NR2C2: variants seen among roughly 807,000 people sequenced by gnomAD.
NR2C2 encodes the protein nuclear receptor subfamily 2 group C member 2.
A neutral mutation model predicts 62.9 loss-of-function variants in NR2C2; 6 were observed. The observed-to-expected ratio is 0.10, with a 90% CI of 0.05 to 0.19. The LOEUF is 0.19. Among genes scored for constraint, NR2C2 ranks in the 10% least tolerant of loss-of-function variants. The pLI is 1.00. For missense variants in NR2C2, 479 were observed against 762.7 expected (o/e 0.63, Z 4.38); for synonymous variants, 272 against 273.8 (o/e 0.99, Z 0.07).
chr3:15,029,449 A>G (rs1025791846), intron 8 of NR2C2, among the ~76,000 whole-genome samples: 1 of 152,218 alleles, frequency 6.6e-6, no homozygotes, highest in Non-Finnish European at 1.5e-5. Flanking sequence ...GCTGGAGACT[A>G]TACAAGTGTT....
At chr3:14,989,659 T>C (rs1574968971) in intron 1 of NR2C2, among the ~76,000 whole-genome samples, 2 of 151,824 alleles carry the variant, frequency 1.3e-5, no homozygotes, top group Non-Finnish European at 2.9e-5. Context: ...TGACTGGGTG[T>C]GGTGGCTCAC....
At chr3:14,969,632 A>G (rs747065137) in intron 1 of NR2C2, among the ~76,000 whole-genome samples, 2 of 152,230 alleles carry the variant, frequency 1.3e-5, no homozygotes, top group Non-Finnish European at 2.9e-5. Context: ...TGATTGGCAG[A>G]AAGAAATCAC....
intron 6 of NR2C2, 102 bp downstream of exon 6, chr3:15,023,449 T>C: frequency 7.5e-7 from 1 of 1,335,830 alleles, no homozygotes; most frequent in African/African-American, 1.4e-5. Context: ...CCATCTGCCA[T>C]AGCCTCCAGC....
chr3:14,968,564 G>A (rs2039933379), intron 1 of NR2C2, among the ~76,000 whole-genome samples: 1 of 150,330 alleles, frequency 6.7e-6, no homozygotes, highest in Non-Finnish European at 1.5e-5. Flanking sequence ...AACCATTGTG[G>A]AAGACAGTGT....
intron 1 of NR2C2, among the ~76,000 whole-genome samples, chr3:14,962,810 G>A (rs1457285045): frequency 6.6e-6 from 1 of 151,990 alleles, no homozygotes; most frequent in African/African-American, 2.4e-5. Flanking sequence ...TTTCTCGTAC[G>A]CTTGATTCTT....
chr3:15,033,979 C>G (rs1393800870), intron 10 of NR2C2, among the ~76,000 whole-genome samples: 2 of 152,182 alleles, frequency 1.3e-5, no homozygotes, highest in African/African-American at 2.4e-5. Flanking sequence ...CTTCCTGTGG[C>G]TGGGCCACAC....
intron 13 of NR2C2, among the ~76,000 whole-genome samples, chr3:15,040,564 C>T (rs985219752): frequency 6.6e-6 from 1 of 152,220 alleles, no homozygotes; most frequent in African/African-American, 2.4e-5. Context: ...GGGTAACCAG[C>T]TCTTAGTCTT....
intron 2 of NR2C2, among the ~76,000 whole-genome samples, chr3:15,010,331 G>A (rs567784045): frequency 1.1e-4 from 17 of 151,220 alleles, no homozygotes; most frequent in Admixed American, 1.1e-3. Flanking sequence ...TGGAGGATAC[G>A]GATGTCTTAG....
rs1423571390 is a variant in NR2C2 at position 15,047,373 on chromosome 3, T to G, written c.*4365T>G. ...TGACATTTCCGTATATTCTCTAGGT[T>G]CGGACAAGAGCCAGGAAGCTGGAAG... is the stretch of plus-strand genomic sequence containing the variant. On this transcript the variant is annotated 3_prime_UTR_variant, in exon 14 of 14. Transcript: ENST00000425241. 2.0e-5 allele frequency: 3 copies of G among 152,220 alleles called. No homozygotes were observed. Among genetic ancestry groups the G allele is most frequent in the Non-Finnish European group, 4.4e-5 (3 of 68,044 alleles). 9.4% of individuals were successfully genotyped at this position (152,220 alleles called of 1,614,324 possible).
chr3:15,028,746 C>A, intron 8 of NR2C2, 27 bp downstream of exon 8: 1 of 1,605,718 alleles, frequency 6.2e-7, no homozygotes, highest in South Asian at 1.1e-5. Flanking sequence ...ATGGAGTCTC[C>A]CCTCCTCGCC....
At chr3:14,998,129 C>G (rs1412480320) in intron 1 of NR2C2, among the ~76,000 whole-genome samples, 5 of 152,322 alleles carry the variant, frequency 3.3e-5, no homozygotes, top group Non-Finnish European at 7.4e-5. Context: ...AATAATACTC[C>G]ATTACATGGA....
intron 3 of NR2C2, among the ~76,000 whole-genome samples, chr3:15,015,685 T>C (rs1183932862): frequency 6.6e-6 from 1 of 152,224 alleles, no homozygotes. Flanking sequence ...GGCAGAGCCA[T>C]TCTGGGTGTC....
chr3:14,987,314 C>T (rs937791314), intron 1 of NR2C2, among the ~76,000 whole-genome samples: 3 of 152,170 alleles, frequency 2.0e-5, no homozygotes, highest in African/African-American at 2.4e-5. Context: ...AACTCCGGGG[C>T]GTAAGCAATC....
intron 1 of NR2C2, chr3:14,959,319 T>G (rs1172587786): frequency 6.6e-6 from 1 of 152,226 alleles, no homozygotes; most frequent in African/African-American, 2.4e-5. Flanking sequence ...TGTGATATCC[T>G]GGAAGAAAAA....
In NR2C2 at chr3:14,956,760, C is replaced by T. The variant is rs59648916; in HGVS notation, c.-40+8854C>T. On this transcript the variant is annotated intron_variant, in intron 1 of 13. Transcript: ENST00000425241. The stretch of plus-strand genomic sequence containing the variant: ...TTCTCCATGTTGGTCAGGCTGGTCT[C>T]GAACTCCTGACCTCAGGTGATCCGC... Among the ~76,000 whole-genome samples, 718 of 152,284 alleles carry T rather than the reference C, an allele frequency of 4.7e-3. 13 individuals are homozygous for T. Among genetic ancestry groups the T allele is most frequent in the East Asian group, 0.038 (195 of 5,182 alleles).
intron 10 of NR2C2, among the ~76,000 whole-genome samples, chr3:15,033,310 C>A (rs372625435): frequency 2.0e-5 from 3 of 152,182 alleles, no homozygotes; most frequent in East Asian, 3.9e-4. Flanking sequence ...GTGCAAGTCA[C>A]TTTACCTCTC....
intron 1 of NR2C2, among the ~76,000 whole-genome samples, chr3:15,002,489 G>T (rs2041036759): frequency 6.6e-6 from 1 of 151,858 alleles, no homozygotes; most frequent in African/African-American, 2.4e-5. Flanking sequence ...TTTTGTAGAG[G>T]ATTGTTTGTG....
At chr3:14,972,174 C>CTTT (rs527677356) in intron 1 of NR2C2, among the ~76,000 whole-genome samples, 5 of 117,082 alleles carry the variant, frequency 4.3e-5, no homozygotes, top group Non-Finnish European at 7.4e-5. Flanking sequence ...CTTTTTCTTT[C>CTTT]TTTTTTTTTT....
chr3:14,976,129 T>C (rs1483326922), intron 1 of NR2C2, among the ~76,000 whole-genome samples: 1 of 152,178 alleles, frequency 6.6e-6, no homozygotes. Context: ...TTCTGAGAAT[T>C]TGTCCGTTTC....
Sources: gnomAD v4.1 joint callset for allele counts (sites outside exome capture counted in the v4.1 genomes callset) on GRCh38, gnomAD v4.1.1 for gene constraint, MANE v1.5 for transcripts, NCBI Gene and HGNC (gene_info 2026-07-23, HGNC 2026-07-21) for gene names.